INPP5K: variants seen among roughly 807,000 people sequenced by gnomAD.
The protein encoded by INPP5K is inositol polyphosphate-5-phosphatase K.
In INPP5K, 35 loss-of-function variants were observed where a neutral mutation model predicts 53.5. The ratio of observed to expected loss-of-function variants is 0.65; its 90% CI spans 0.50 to 0.87. INPP5K has a LOEUF of 0.87. INPP5K is among the 40% of genes least tolerant of loss of function. INPP5K has a pLI of 0.00. For synonymous variants in INPP5K, 253 were observed against 232.8 expected, an observed-to-expected ratio of 1.09 and a Z score of -0.79; for missense variants, 550 against 586.2, an observed-to-expected ratio of 0.94 and a Z score of 0.64.
At chr17:1,516,255 C>T (rs1053676660) in intron 1 of INPP5K, 2 of 852,748 alleles carry the variant, frequency 2.3e-6, no homozygotes, top group Non-Finnish European at 3.4e-6. Context: ...CCAGTGGGAA[C>T]GAGCTTGGCG....
At position 1,514,303 on chromosome 17, in the gene INPP5K, A is replaced by G. The variant is rs563489952; in HGVS notation, c.45-324T>C. ...GTGCCACTGCACTCCAGCCTGGGTGACAGAGTGAGACTCTGTCTCAAAAGA... is the reference window on the plus strand; with the variant it reads ...GTGCCACTGCACTCCAGCCTGGGTGGCAGAGTGAGACTCTGTCTCAAAAGA... On this transcript the variant is annotated intron_variant, in intron 1 of 11. Transcript: ENST00000421807. Among the ~76,000 whole-genome samples the G allele has an allele frequency of 2.6e-4, 39 of 149,480 alleles. No homozygotes were observed. The East Asian group carries it at 7.4e-3, about 28-fold the overall frequency.
At chr17:1,513,423 T>C (rs1567565207) in intron 3 of INPP5K, 30 bp downstream of exon 3, 12 of 1,543,338 alleles carry the variant, frequency 7.8e-6, no homozygotes, top group Non-Finnish European at 1.1e-5. Context: ...GAAAACACAG[T>C]TGTCAAGTGC....
At chr17:1,497,088 C>T (rs1048525079) in intron 8 of INPP5K, among the ~76,000 whole-genome samples, 1 of 152,202 alleles carries the variant, frequency 6.6e-6, no homozygotes, top group African/African-American at 2.4e-5. Flanking sequence ...CTTAAGGAGG[C>T]GGCCAGGCAG....
At position 1,509,303 on chromosome 17, in the gene INPP5K, G is replaced by A. The variant is rs754776720; in HGVS notation, c.429C>T (p.Val143=). The A allele has an allele frequency of 6.2e-7, 1 of 1,614,104 alleles. No individual in the cohort carries two copies. Among genetic ancestry groups the A allele is most frequent in the South Asian group, 1.1e-5 (1 of 91,076 alleles). ...NICLKLYGYY[V]SIINCHLPPH... Reference sequence around the variant, plus strand: ...GAGGCAGGTGGCAGTTGATGATGCTGACATAGTAGCCATAAAGCTTCAGGC... The same window carrying A: ...GAGGCAGGTGGCAGTTGATGATGCTAACATAGTAGCCATAAAGCTTCAGGC... Residue 143 remains valine (V), a synonymous_variant, in exon 5 of 12, where the codon GTC becomes GTT. Coordinates refer to ENST00000421807, the MANE Select transcript of INPP5K (RefSeq NM_016532.4).
At chr17:1,506,888 C>T in intron 7 of INPP5K, 92 bp downstream of exon 7, 2 of 869,578 alleles carry the variant, frequency 2.3e-6, no homozygotes. Context: ...TTCCTGCCCC[C>T]CCTAACACTT....
At chr17:1,501,832 C>G (rs1280455662) in intron 7 of INPP5K, among the ~76,000 whole-genome samples, 1 of 151,056 alleles carries the variant, frequency 6.6e-6, no homozygotes, top group Non-Finnish European at 1.5e-5. Context: ...GCCTGGCCAA[C>G]ATGGTGAAAC....
chr17:1,496,050 C>G lies in INPP5K; in HGVS notation c.1290+10G>C. The stretch of plus-strand genomic sequence containing the variant: ...CTCACCCTTCCCCTTCCCTCACCAG[C>G]ACTGCTTACCTGGAAGGGTCTGCTT... On this transcript the variant is annotated intron_variant, in intron 11 of 11. Coordinates refer to ENST00000421807, the MANE Select transcript of INPP5K (RefSeq NM_016532.4). 6.3e-7 allele frequency: 1 copy of G among 1,577,812 alleles called. No individual in the cohort carries two copies.
Position 1,515,852 on chromosome 17 carries a change from G to A in INPP5K, c.44+604C>T, listed in dbSNP as rs1378823801. The A allele has an allele frequency of 7.5e-6, 7 of 937,670 alleles. No individual in the cohort carries two copies. The African/African-American group carries it at 8.9e-5, about 12-fold the overall frequency. 58.1% of individuals were successfully genotyped at this position (937,670 alleles called of 1,614,324 possible). On this transcript the variant is annotated intron_variant, in intron 1 of 11. Transcript: ENST00000421807. Reference sequence around the variant, plus strand: ...GTCCGACAGAGGCTTAAGGAACAAAGACCTTTTACTCAGAGACTTCTTTTC... The same window carrying A: ...GTCCGACAGAGGCTTAAGGAACAAAAACCTTTTACTCAGAGACTTCTTTTC...
At chr17:1,502,121 G>A (rs150274876) in intron 7 of INPP5K, among the ~76,000 whole-genome samples, 15,780 of 151,630 alleles carry the variant, frequency 0.1, 941 homozygotes, top group East Asian at 0.14. Context: ...AGGCCAAGGC[G>A]GGCAGATCAT....
intron 7 of INPP5K, among the ~76,000 whole-genome samples, chr17:1,505,343 C>T (rs1181214071): frequency 7.9e-5 from 12 of 152,110 alleles, no homozygotes. Flanking sequence ...CCAGGCAGGT[C>T]TTGAACTCCT....
chr17:1,496,682 C>G lies in INPP5K; in HGVS notation c.1085G>C (p.Trp362Ser), dbSNP rs1249713150. The G allele has an allele frequency of 6.2e-7, 1 of 1,614,072 alleles. No individual in the cohort carries two copies. The highest frequency in any genetic ancestry group is 2.2e-5 in the East Asian group (1 of 44,902). ...CCACATCACCTTGTACAGTCCAATCCAGTCCCACGGGCTGCTGGGGAAGTC... is the reference window on the plus strand; with the variant it reads ...CCACATCACCTTGTACAGTCCAATCGAGTCCCACGGGCTGCTGGGGAAGTC... ...TSDFPSSPWD[W>S]IGLYKVGLRD... The change falls in exon 9 of 12, where the codon TGG becomes TCG. Residue 362 changes from tryptophan (W) to serine (S), a missense_variant. Trp to Ser is a radical substitution (Grantham distance 177). Transcript: ENST00000421807.
chr17:1,508,066 C>G, intron 6 of INPP5K, 49 bp downstream of exon 6: 1 of 1,279,026 alleles, frequency 7.8e-7, no homozygotes, highest in East Asian at 2.3e-5. Flanking sequence ...TCACATGGCC[C>G]CCACCGTGGG....
chr17:1,499,316 T>C (rs1464971004), intron 7 of INPP5K, among the ~76,000 whole-genome samples: 1 of 151,898 alleles, frequency 6.6e-6, no homozygotes, highest in African/African-American at 2.4e-5. Flanking sequence ...ATCGAGACCA[T>C]CCTGACTCTC....
At chr17:1,497,719 AC>A (rs2074893381) in intron 8 of INPP5K, 3 of 509,144 alleles carry the variant, frequency 5.9e-6, no homozygotes, top group Non-Finnish European at 1.1e-5. Flanking sequence ...GGAAATGGAA[AC>A]CTTTTCACAA....
chr17:1,514,800 A>G (rs557822223), intron 1 of INPP5K, among the ~76,000 whole-genome samples: 2 of 152,270 alleles, frequency 1.3e-5, no homozygotes, highest in South Asian at 4.1e-4. Flanking sequence ...CTACAAGGGC[A>G]GAGGAATTTA....
chr17:1,496,620 A>C (rs373448163), intron 9 of INPP5K, 46 bp downstream of exon 9: 486 of 1,609,922 alleles, frequency 3.0e-4, no homozygotes, highest in Non-Finnish European at 4.0e-4. Context: ...GGAAGGATGA[A>C]CCAGGGGCTG....
At chr17:1,507,980 C>T (rs1181407262) in intron 6 of INPP5K, 135 bp downstream of exon 6, 2 of 720,794 alleles carry the variant, frequency 2.8e-6, no homozygotes, top group Non-Finnish European at 4.9e-6. Context: ...ATGCGAAGCC[C>T]TGCTAGACAG....
rs565863605 is a variant in INPP5K at position 1,515,863 on chromosome 17, C to CA, written c.44+592dup. ...GCTTAAGGAACAAAGACCTTTTACT[C>CA]AGAGACTTCTTTTCCCAGACTCACT... On this transcript the variant is annotated intron_variant, in intron 1 of 11. Coordinates refer to ENST00000421807, the MANE Select transcript of INPP5K (RefSeq NM_016532.4). 4.6e-5 allele frequency: 44 copies of CA among 963,904 alleles called. No homozygotes were observed. In the South Asian group the frequency reaches 1.8e-3, roughly 39 times the overall value. 59.7% of individuals were successfully genotyped at this position (963,904 alleles called of 1,614,324 possible).
chr17:1,509,766 G>T lies in INPP5K; in HGVS notation c.295C>A (p.Leu99Met). 1 of 1,613,460 alleles carries T rather than the reference G, an allele frequency of 6.2e-7. No individual in the cohort carries two copies. The highest frequency in any genetic ancestry group is 8.5e-7 in the Non-Finnish European group (1 of 1,179,584). Residue 99 changes from leucine (L) to methionine (M), a missense_variant, in exon 4 of 12, where the codon CTG becomes ATG. By Grantham distance (15) the Leu-to-Met change is conservative (BLOSUM62 2). Transcript: ENST00000421807. Reference protein sequence around the residue: ...SHVRMQGILLLVFAKYQHLPY... With the variant: ...SHVRMQGILLMVFAKYQHLPY... ...AAATGCTGATACTTGGCAAAGACCA[G>T]TAAGAGGATCCCCTGCATACGGACA... is the stretch of plus-strand genomic sequence containing the variant.
Sources: gnomAD v4.1 joint callset for allele counts (sites outside exome capture counted in the v4.1 genomes callset) on GRCh38, gnomAD v4.1.1 for gene constraint, MANE v1.5 for transcripts, NCBI Gene and HGNC (gene_info 2026-07-23, HGNC 2026-07-21) for gene names.